Variants in BRINP1 observed in about 807,000 individuals in gnomAD.
The protein encoded by BRINP1 is BMP/retinoic acid inducible neural specific 1, also known as BMP/retinoic acid-inducible neural-specific protein 1.
Under a neutral mutation model 72.9 loss-of-function variants are expected in BRINP1, and 17 were observed. The ratio of observed to expected loss-of-function variants is 0.23; its 90% CI spans 0.16 to 0.35. The LOEUF (loss-of-function observed/expected upper bound fraction) is 0.35, where lower values mean the gene tolerates loss of function less well. Ranked by LOEUF, BRINP1 falls within the 10% of genes least tolerant of loss-of-function variation. The pLI, the probability that BRINP1 is intolerant of heterozygous loss-of-function variation, is 1.00. For synonymous variants in BRINP1, 418 were observed against 378.5 expected (o/e 1.10, Z -1.21); for missense variants, 850 against 1,001.6 (o/e 0.85, Z 2.04).
chr9:119,237,896 G>C (rs1361777728), intron 5 of BRINP1, among the ~76,000 whole-genome samples: 2 of 151,948 alleles, frequency 1.3e-5, no homozygotes, highest in Non-Finnish European at 2.9e-5. Flanking sequence ...TCCTGACCTC[G>C]TGATCCACCC....
rs1181719711 is a variant in BRINP1 at position 119,177,942 on chromosome 9, GGGGAGCA to G, written c.1146-9725_1146-9719del. Reference sequence around the variant, plus strand: ...GACTTAGAAAGCAGGTGGTGTTCACGGGGAGCAGGGAGCACGAGGCTGAGGGAAAGAG... The same window carrying G: ...GACTTAGAAAGCAGGTGGTGTTCACGGGGAGCACGAGGCTGAGGGAAAGAG... On this transcript the variant is annotated intron_variant, in intron 7 of 7. Coordinates refer to ENST00000265922, the MANE Select transcript of BRINP1 (RefSeq NM_014618.3). Among the ~76,000 whole-genome samples, 5 of 152,260 alleles carry G rather than the reference GGGGAGCA, an allele frequency of 3.3e-5. No homozygotes were observed. In the East Asian group the frequency reaches 9.7e-4, roughly 29 times the overall value.
At chr9:119,301,834 TC>T (rs1830942391) in intron 2 of BRINP1, among the ~76,000 whole-genome samples, 1 of 152,166 alleles carries the variant, frequency 6.6e-6, no homozygotes, top group Admixed American at 6.5e-5. Context: ...TAAATATGTA[TC>T]TCAAACATCA....
At chr9:119,227,247 C>T (rs2118891692) in intron 5 of BRINP1, among the ~76,000 whole-genome samples, 1 of 152,096 alleles carries the variant, frequency 6.6e-6, no homozygotes, top group East Asian at 1.9e-4. Flanking sequence ...AGCTCAGAGG[C>T]CTAATTAACT....
At chr9:119,244,537 A>AGTTAAACAAGTGAATATGCTAAGAGTTT (rs1830293054) in intron 3 of BRINP1, among the ~76,000 whole-genome samples, 1 of 152,302 alleles carries the variant, frequency 6.6e-6, no homozygotes, top group East Asian at 1.9e-4. Context: ...GAAAGGTAAA[A>AGTTAAACAAGTGAATATGCTAAGAGTTT]GTTAAACAAG....
rs572918172 is a variant in BRINP1, at chr9:119,223,950, T to C, written c.686-9795A>G. On this transcript the variant is annotated intron_variant, in intron 5 of 7. Transcript: ENST00000265922. ...GTTATGGATCCATTGCTATAGATTA[T>C]GATTCTTGAGGACAATAACTTTATC... 1.5e-4 allele frequency among the ~76,000 whole-genome samples: 23 copies of C among 152,268 alleles called. No individual in the cohort carries two copies. The South Asian group carries it at 3.5e-3, about 23-fold the overall frequency.
chr9:119,283,113 G>A (rs1344905887), intron 2 of BRINP1: 2 of 984,742 alleles, frequency 2.0e-6, no homozygotes, highest in African/African-American at 3.5e-5. Context: ...CTTGGAGCGT[G>A]AATCTGCGTT....
At chr9:119,175,109 AAGT>A (rs1279939013) in intron 7 of BRINP1, among the ~76,000 whole-genome samples, 2 of 69,252 alleles carry the variant, frequency 2.9e-5, no homozygotes, top group Admixed American at 1.4e-4. Flanking sequence ...CTAAAACTTA[AAGT>A]AAAGTATAAA....
chr9:119,361,645 G>C (rs1010993259), intron 1 of BRINP1, among the ~76,000 whole-genome samples: 1 of 151,292 alleles, frequency 6.6e-6, no homozygotes, highest in African/African-American at 2.4e-5. Context: ...TTTTCAGACA[G>C]AGCCTCACTC....
chr9:119,263,567 T>C (rs1830516815), intron 2 of BRINP1, among the ~76,000 whole-genome samples: 1 of 150,406 alleles, frequency 6.6e-6, no homozygotes, highest in South Asian at 2.1e-4. Flanking sequence ...CTAAGTACAT[T>C]GCCTGGAACT....
At chr9:119,342,467 T>C (rs956639289) in intron 1 of BRINP1, among the ~76,000 whole-genome samples, 1 of 152,154 alleles carries the variant, frequency 6.6e-6, no homozygotes, top group African/African-American at 2.4e-5. Flanking sequence ...AAAAGTGTCA[T>C]ATAAGAACAA....
chr9:119,351,069 G>T (rs1375659942), intron 1 of BRINP1, among the ~76,000 whole-genome samples: 1 of 151,650 alleles, frequency 6.6e-6, no homozygotes, highest in Non-Finnish European at 1.5e-5. Flanking sequence ...CCCTTGTCTT[G>T]CCCCCCAACC....
rs150205456 is a variant in BRINP1, at chr9:119,252,085, C to A, written c.219-2935G>T. Among the ~76,000 whole-genome samples, 65 of 152,242 alleles carry A rather than the reference C, an allele frequency of 4.3e-4. No individual in the cohort carries two copies. In the East Asian group the frequency reaches 0.012, roughly 29 times the overall value. ...CCGCTCTCTCTGTCTCTGTGTCCAT[C>A]TTTTCTTCCTCCCTCCCTCTCACTC... On this transcript the variant is annotated intron_variant, in intron 2 of 7. Coordinates refer to ENST00000265922, the MANE Select transcript of BRINP1 (RefSeq NM_014618.3).
intron 5 of BRINP1, among the ~76,000 whole-genome samples, chr9:119,225,110 T>C (rs542967456): frequency 6.6e-6 from 1 of 152,200 alleles, no homozygotes; most frequent in South Asian, 2.1e-4. Context: ...CTATTCATAG[T>C]AGTCAAAGGT....
chr9:119,174,226 G>T (rs368508914), intron 7 of BRINP1, among the ~76,000 whole-genome samples: 4 of 149,716 alleles, frequency 2.7e-5, no homozygotes, highest in African/African-American at 1.0e-4. Context: ...ATCTGACAAA[G>T]GGCTAATATC....
rs750302583 is a variant in BRINP1, at chr9:119,167,869, C to T, written c.1501G>A (p.Val501Ile). The T allele has an allele frequency of 2.3e-5, 37 of 1,614,002 alleles. No individual in the cohort carries two copies. Among genetic ancestry groups the T allele is most frequent in the South Asian group, 9.9e-5 (9 of 91,092 alleles). ...LLQKMDSRLYVHTTFISNEIR... is the reference protein window; with the variant it reads ...LLQKMDSRLYIHTTFISNEIR... ...TCGTTGCTGATGAAGGTGGTGTGGA[C>T]GTAGAGGCGTGAGTCCATCTTCTGC... is the stretch of plus-strand genomic sequence containing the variant. Residue 501 changes from valine to isoleucine, a missense_variant, in exon 8 of 8, where the codon GTC becomes ATC. Transcript: ENST00000265922. This position sits in a 1 kb window ranked among gnomAD's most constrained non-coding sequence, Gnocchi z 4.3.
Position 119,203,313 on chromosome 9 carries a change from A to G in BRINP1, c.1145+5406T>C, listed in dbSNP as rs181632378. Reference sequence around the variant, plus strand: ...TGGATAAATTAATTACATCTGCCTTATCAGTTCCCTAACCCATAAATGATC... The same window carrying G: ...TGGATAAATTAATTACATCTGCCTTGTCAGTTCCCTAACCCATAAATGATC... On this transcript the variant is annotated intron_variant, in intron 7 of 7. Transcript: ENST00000265922. 1.4e-4 allele frequency among the ~76,000 whole-genome samples: 21 copies of G among 152,282 alleles called. No individual in the cohort carries two copies. In the East Asian group the frequency reaches 3.9e-3, roughly 28 times the overall value.
intron 7 of BRINP1, among the ~76,000 whole-genome samples, chr9:119,180,222 A>G (rs1050897023): frequency 3.9e-5 from 6 of 152,228 alleles, no homozygotes; most frequent in Admixed American, 1.3e-4. Flanking sequence ...CCATTTGCCT[A>G]CCAGGAGTGT....
intron 2 of BRINP1, among the ~76,000 whole-genome samples, chr9:119,276,513 T>G (rs1363827323): frequency 6.6e-6 from 1 of 152,244 alleles, no homozygotes; most frequent in Non-Finnish European, 1.5e-5. Flanking sequence ...AGTTGTTTTA[T>G]TATTTGTAAT....
chr9:119,368,618 CACAT>C lies in BRINP1; in HGVS notation c.-51+434_-51+437del, dbSNP rs1455834697. Among the ~76,000 whole-genome samples, 8 of 152,182 alleles carry C rather than the reference CACAT, an allele frequency of 5.3e-5. No homozygotes were observed. Among genetic ancestry groups the C allele is most frequent in the African/African-American group, 1.9e-4 (8 of 41,514 alleles). ...CTAATTAAAAAGACACACGAGGGCA[CACAT>C]ACAAACACATACGTACAAACATGCA... On this transcript the variant is annotated intron_variant, in intron 1 of 7. Transcript: ENST00000265922. This position sits in a 1 kb window ranked among gnomAD's most constrained non-coding sequence, Gnocchi z 4.7.
Sources: allele counts gnomAD v4.1 joint callset (sites outside exome capture counted in the v4.1 genomes callset), GRCh38; gene constraint gnomAD v4.1.1; non-coding constraint Gnocchi (gnomAD v3.1); transcripts MANE v1.5; gene names NCBI Gene and HGNC (gene_info 2026-07-23, HGNC 2026-07-21).